Variants in TACC3 observed in about 807,000 individuals in gnomAD.
TACC3 encodes the protein transforming acidic coiled-coil-containing protein 3.
A neutral mutation model predicts 86.0 loss-of-function variants in TACC3; 52 were observed. The observed-to-expected ratio is 0.60, with a 90% CI of 0.48 to 0.76. The LOEUF is 0.76. Among genes scored for constraint, TACC3 ranks in the 30% least tolerant of loss-of-function variants. The pLI is 0.00. For missense variants in TACC3, 1,120 were observed against 1,070.4 expected (o/e 1.05, Z -0.65); for synonymous variants, 512 against 430.0 (o/e 1.19, Z -2.36).
chr4:1,739,623 G>T (rs1718466583), intron 10 of TACC3, 79 bp from the exon 11 acceptor site: 1 of 1,359,198 alleles, frequency 7.4e-7, no homozygotes, highest in Non-Finnish European at 1.0e-6. Flanking sequence ...TCGGGTGCGG[G>T]CTGGCCCCAT....
intron 6 of TACC3, 58 bp downstream of exon 6, chr4:1,731,359 C>G (rs1448668841): frequency 6.3e-7 from 1 of 1,587,870 alleles, no homozygotes; most frequent in East Asian, 2.3e-5. Flanking sequence ...CCCGTGAGCA[C>G]TTGGGCAGCT....
At chr4:1,720,846 C>G, upstream of TACC3, 1 of 1,566,700 alleles carries the variant, frequency 6.4e-7, no homozygotes. The surrounding 1 kb of genome is among the most constrained non-coding windows in gnomAD (Gnocchi z 4.4). Context: ...ATCGCGCAGC[C>G]GCCGGGAAGC....
chr4:1,730,101 T>G (rs1174716427), intron 4 of TACC3, among the ~76,000 whole-genome samples: 1 of 152,246 alleles, frequency 6.6e-6, no homozygotes, highest in Non-Finnish European at 1.5e-5. Flanking sequence ...CGCAGTGGCG[T>G]GATCTCGCCT....
chr4:1,738,791 G>T (rs891102755), intron 10 of TACC3, among the ~76,000 whole-genome samples: 9 of 152,170 alleles, frequency 5.9e-5, no homozygotes, highest in African/African-American at 2.2e-4. Flanking sequence ...TTTAAAGAGG[G>T]CAGGGTAAGA....
intron 3 of TACC3, among the ~76,000 whole-genome samples, chr4:1,726,882 A>G (rs552771058): frequency 1.3e-5 from 2 of 152,226 alleles, no homozygotes; most frequent in Admixed American, 1.3e-4. Flanking sequence ...TAATCCTAGC[A>G]CTGGGAGGCC....
rs1463763981 is a variant in TACC3, at chr4:1,735,201, G to A, written c.1592-72G>A. The A allele has an allele frequency of 1.0e-5, 16 of 1,590,920 alleles. No individual in the cohort carries two copies. The highest frequency in any genetic ancestry group is 1.4e-5 in the Non-Finnish European group (16 of 1,160,434). On this transcript the variant is annotated intron_variant, in intron 6 of 15. Coordinates refer to ENST00000313288, the MANE Select transcript of TACC3 (RefSeq NM_006342.3). This position sits in a 1 kb window ranked among gnomAD's most constrained non-coding sequence, Gnocchi z 4.2. Reference sequence around the variant, plus strand: ...ATGATCCTGCCTCACTGAGTGCTGAGGGAGACACCAGCCCGCCGCCCTTAG... The same window carrying A: ...ATGATCCTGCCTCACTGAGTGCTGAAGGAGACACCAGCCCGCCGCCCTTAG...
upstream of TACC3, chr4:1,721,428 C>T (rs1161208378): frequency 3.9e-5 from 6 of 152,120 alleles, no homozygotes; most frequent in Non-Finnish European, 8.8e-5. Context: ...CCATTGGACG[C>T]CCGCCCTCCT....
rs544180957 is a variant in TACC3 at position 1,722,388 on chromosome 4, T to C, written c.-2+745T>C. On this transcript the variant is annotated intron_variant, in intron 1 of 15. Coordinates refer to ENST00000313288, the MANE Select transcript of TACC3 (RefSeq NM_006342.3). ...GTTATTCAGGGCGAAAACCTAAGCGTCGTCCGTAAGTCCCATATGTGCCAG... is the reference window on the plus strand; with the variant it reads ...GTTATTCAGGGCGAAAACCTAAGCGCCGTCCGTAAGTCCCATATGTGCCAG... Among the ~76,000 whole-genome samples, 3 of 152,260 alleles carry C rather than the reference T, an allele frequency of 2.0e-5. No individual in the cohort carries two copies. The East Asian group carries it at 5.8e-4, about 29-fold the overall frequency.
chr4:1,731,312 T>C lies in TACC3; in HGVS notation c.1591+11T>C. The C allele has an allele frequency of 6.2e-7, 1 of 1,612,724 alleles. No homozygotes were observed. The highest frequency in any genetic ancestry group is 1.1e-5 in the South Asian group (1 of 91,058). On this transcript the variant is annotated intron_variant, in intron 6 of 15. Transcript: ENST00000313288. ...GAGACCCCGCTGAGGGTACGTTGCC[T>C]GGCACAGACGTCACACACAGTCTGC...
At chr4:1,720,696 A>T (rs1717270460), upstream of TACC3, 6 of 1,554,378 alleles carry the variant, frequency 3.9e-6, no homozygotes, top group Admixed American at 5.8e-5. This position sits in a 1 kb window ranked among gnomAD's most constrained non-coding sequence, Gnocchi z 4.4. Flanking sequence ...AAGGGCACGA[A>T]GGCGGCGTCC....
Position 1,735,953 on chromosome 4 carries a change from A to G in TACC3, c.1748+119A>G. 1 of 751,350 alleles carries G rather than the reference A, an allele frequency of 1.3e-6. No individual in the cohort carries two copies. 46.5% of individuals were successfully genotyped at this position (751,350 alleles called of 1,614,324 possible). A position where few individuals can be genotyped will look rare whatever the true frequency, so the allele number is the denominator to read the frequency against. ...ACCGGGGGGAGATGATCAGAACTGGAAAGGAGCTGTGCTAGGGGTGGGCTG... is the reference window on the plus strand; with the variant it reads ...ACCGGGGGGAGATGATCAGAACTGGGAAGGAGCTGTGCTAGGGGTGGGCTG... On this transcript the variant is annotated intron_variant, in intron 8 of 15. Transcript: ENST00000313288. The surrounding 1 kb of genome is among the most constrained non-coding windows in gnomAD (Gnocchi z 4.2).
chr4:1,729,522 A>G (rs1034220119), intron 4 of TACC3, among the ~76,000 whole-genome samples: 1 of 152,188 alleles, frequency 6.6e-6, no homozygotes, highest in Admixed American at 6.5e-5. Context: ...TCACGTGTCC[A>G]CTGGGCCCTT....
upstream of TACC3, chr4:1,721,101 G>A (rs867341081): frequency 8.7e-5 from 23 of 263,082 alleles, no homozygotes; most frequent in Middle Eastern, 2.3e-3. Context: ...ATGGAGTCCC[G>A]CCGCTCGGCC....
At chr4:1,738,007 C>T (rs1474398046) in intron 10 of TACC3, 6 of 456,782 alleles carry the variant, frequency 1.3e-5, no homozygotes, top group South Asian at 3.7e-5. Flanking sequence ...TTCTTGCTGC[C>T]GTGAGCCCGA....
At chr4:1,738,319 C>G (rs549335079) in intron 10 of TACC3, 94 of 226,000 alleles carry the variant, frequency 4.2e-4, no homozygotes, top group South Asian at 2.1e-3. Flanking sequence ...GGGTTCAAGC[C>G]CCAACATCCA....
chr4:1,737,672 C>G lies in TACC3; in HGVS notation c.1911C>G (p.Leu637=), dbSNP rs1461743602. 1 of 1,550,810 alleles carries G rather than the reference C, an allele frequency of 6.4e-7. No homozygotes were observed. The highest frequency in any genetic ancestry group is 8.7e-7 in the Non-Finnish European group (1 of 1,146,802). Residue 637 remains leucine, a synonymous_variant, in exon 10 of 16, where the codon CTC becomes CTG. Coordinates refer to ENST00000313288, the MANE Select transcript of TACC3 (RefSeq NM_006342.3). ...PLSTGPIVDL[L]QYSQKDLDAV... is the part of the protein sequence containing the mutation. The stretch of plus-strand genomic sequence containing the variant: ...CCACCGGACCTATAGTGGACCTGCT[C>G]CAGTACAGCCAGAAGGACCTGGATG...
rs544824996 is a variant in TACC3 at position 1,744,459 on chromosome 4, G to A, written c.2224-59G>A. 1.6e-4 allele frequency: 237 copies of A among 1,520,596 alleles called. 1 individual carries two copies. In the South Asian group the frequency reaches 2.6e-3, roughly 17 times the overall value. The allele number at this position is 1,520,596 out of a possible 1,614,324, so 94.2% of individuals were successfully genotyped here. A position where few individuals can be genotyped will look rare whatever the true frequency, so the allele number is the denominator to read the frequency against. On this transcript the variant is annotated intron_variant, in intron 13 of 15. Coordinates refer to ENST00000313288, the MANE Select transcript of TACC3 (RefSeq NM_006342.3). ...GGATCTGCAGGTCCCCAGACACCAA[G>A]CCTGGGTGCTCTCCAGCAGACGGCG...
intron 10 of TACC3, chr4:1,738,378 G>C (rs139876068): frequency 0.011 from 1,887 of 173,002 alleles, 15 homozygotes; most frequent in Middle Eastern, 0.022. Context: ...GCAGAGGCCT[G>C]TGATGTGGCC....
intron 10 of TACC3, chr4:1,739,480 A>G: frequency 1.7e-6 from 1 of 580,072 alleles, no homozygotes; most frequent in Non-Finnish European, 3.1e-6. Context: ...GAGCACAGCC[A>G]GCAGCCTCAT....
Sources: allele counts gnomAD v4.1 joint callset (sites outside exome capture counted in the v4.1 genomes callset), GRCh38; gene constraint gnomAD v4.1.1; non-coding constraint Gnocchi (gnomAD v3.1); transcripts MANE v1.5; gene names NCBI Gene and HGNC (gene_info 2026-07-23, HGNC 2026-07-21).